The following ECHDC3 variants were observed in gnomAD, a reference collection of about 807,000 sequenced individuals.
ECHDC3 encodes enoyl-CoA hydratase domain containing 3, also known as enoyl-CoA hydratase domain-containing protein 3, mitochondrial.
A neutral mutation model predicts 17.9 loss-of-function variants in ECHDC3; 20 were observed. The ratio of observed to expected loss-of-function variants is 1.12; its 90% CI spans 0.79 to 1.63. The LOEUF (loss-of-function observed/expected upper bound fraction) is 1.63, where lower values mean the gene tolerates loss of function less well. Ranked by LOEUF, ECHDC3 falls within the 40% of genes most tolerant of loss-of-function variation. ECHDC3 has a pLI of 0.00. For synonymous variants in ECHDC3, 177 were observed against 149.7 expected, an observed-to-expected ratio of 1.18 and a Z score of -1.33; for missense variants, 407 against 357.7, an observed-to-expected ratio of 1.14 and a Z score of -1.11.
intron 4 of ECHDC3, among the ~76,000 whole-genome samples, chr10:11,759,476 C>G (rs1430353997): frequency 6.6e-6 from 1 of 152,140 alleles, no homozygotes; most frequent in Non-Finnish European, 1.5e-5. Flanking sequence ...CAGGTCCTCA[C>G]CAGTCGCTGA....
At chr10:11,745,742 G>A (rs1335794636) in intron 1 of ECHDC3, among the ~76,000 whole-genome samples, 1 of 152,164 alleles carries the variant, frequency 6.6e-6, no homozygotes, top group Non-Finnish European at 1.5e-5. Context: ...AAAACTGATA[G>A]GAAACATATA....
At chr10:11,746,502 T>C (rs2133786826) in intron 1 of ECHDC3, among the ~76,000 whole-genome samples, 1 of 152,304 alleles carries the variant, frequency 6.6e-6, no homozygotes, top group South Asian at 2.1e-4. Flanking sequence ...TCCTTTGTCA[T>C]CCACAAAGGA....
intron 1 of ECHDC3, among the ~76,000 whole-genome samples, chr10:11,745,401 G>C (rs1328755199): frequency 6.6e-6 from 1 of 152,166 alleles, no homozygotes; most frequent in African/African-American, 2.4e-5. Flanking sequence ...ATATTTGATG[G>C]AGAGGTTTAT....
At chr10:11,756,552 C>T (rs1832888352) in intron 4 of ECHDC3, among the ~76,000 whole-genome samples, 2 of 152,114 alleles carry the variant, frequency 1.3e-5, no homozygotes, top group African/African-American at 4.8e-5. Flanking sequence ...TTTTGCAGTG[C>T]CCCTTTGTTA....
rs1193989519 is a variant in ECHDC3 at position 11,763,269 on chromosome 10, G to A, written c.637G>A (p.Glu213Lys). ...LFTGEPISAQ[E>K]ALLHGLLSKV... ...TACTGGTGAGCCCATTTCTGCCCAG[G>A]AGGCCCTGCTCCACGGGCTGCTTAG... is the stretch of plus-strand genomic sequence containing the variant. The change falls in exon 5 of 5, where the codon GAG becomes AAG. Residue 213 changes from glutamate (E) to lysine (K), a missense_variant. Transcript: ENST00000379215. The surrounding 1 kb of genome is among the most constrained non-coding windows in gnomAD (Gnocchi z 4.9). 1.3e-6 allele frequency: 1 copy of A among 780,292 alleles called. No homozygotes were observed. The highest frequency in any genetic ancestry group is 1.3e-5 in the South Asian group (1 of 74,604). The allele number at this position is 780,292 out of a possible 1,614,324, so 48.3% of individuals were successfully genotyped here.
At chr10:11,759,353 T>C (rs1315705189) in intron 4 of ECHDC3, among the ~76,000 whole-genome samples, 1 of 89,586 alleles carries the variant, frequency 1.1e-5, no homozygotes, top group Non-Finnish European at 2.2e-5. Flanking sequence ...AAACTCCATC[T>C]CTTAAAAAAA....
chr10:11,754,518 GT>G (rs1258575315), intron 3 of ECHDC3, among the ~76,000 whole-genome samples: 1 of 152,162 alleles, frequency 6.6e-6, no homozygotes. Flanking sequence ...TGACAGCAGA[GT>G]CCCCCCACCC....
Position 11,742,552 on chromosome 10 carries a change from G to T in ECHDC3, c.-25G>T. ...GCGGCCGGCCAGGCAGCGCGATCCT[G>T]CGGCGTCTGGCCATCCCGAATGCTA... On this transcript the variant is annotated 5_prime_UTR_variant, in exon 1 of 5. Coordinates refer to ENST00000379215, the MANE Select transcript of ECHDC3 (RefSeq NM_024693.5). 1 of 1,263,754 alleles carries T rather than the reference G, an allele frequency of 7.9e-7. No individual in the cohort carries two copies. The highest frequency in any genetic ancestry group is 9.9e-7 in the Non-Finnish European group (1 of 1,006,592). 78.3% of individuals were successfully genotyped at this position (1,263,754 alleles called of 1,614,324 possible).
At chr10:11,756,200 A>G (rs1832885295) in intron 4 of ECHDC3, among the ~76,000 whole-genome samples, 1 of 152,174 alleles carries the variant, frequency 6.6e-6, no homozygotes, top group African/African-American at 2.4e-5. Context: ...CGTGTTGCAA[A>G]GTGGTTTTGT....
rs1310298902 is a variant in ECHDC3 at position 11,751,412 on chromosome 10, A to AC, written c.390+1822dup. On this transcript the variant is annotated intron_variant, in intron 3 of 4. Transcript: ENST00000379215. ...ACTGAAAGTGTATTGATATCTTTAA[A>AC]CCATTTCTAAGAAAATAACATTGTC... 2.6e-5 allele frequency among the ~76,000 whole-genome samples: 4 copies of AC among 152,366 alleles called. No individual in the cohort carries two copies. The East Asian group carries it at 7.7e-4, about 29-fold the overall frequency.
intron 4 of ECHDC3, among the ~76,000 whole-genome samples, chr10:11,759,881 T>C (rs1832928359): frequency 6.6e-6 from 1 of 152,228 alleles, no homozygotes; most frequent in African/African-American, 2.4e-5. Flanking sequence ...CTGCTATCTC[T>C]AATCCTTGCA....
At position 11,742,606 on chromosome 10, in the gene ECHDC3, C is replaced by A. The variant is rs946817310; in HGVS notation, c.30C>A (p.Phe10Leu). 68 of 1,297,736 alleles carry A rather than the reference C, an allele frequency of 5.2e-5. No individual in the cohort carries two copies. The highest frequency in any genetic ancestry group is 6.6e-5 in the Non-Finnish European group (68 of 1,023,714). 80.4% of individuals were successfully genotyped at this position (1,297,736 alleles called of 1,614,324 possible). A position where few individuals can be genotyped will look rare whatever the true frequency, so the allele number is the denominator to read the frequency against. The part of the protein sequence containing the change: MAAVAVLRA[F>L]GASGPMCLRR... ...CCGCCGTCGCCGTCTTGCGGGCCTT[C>A]GGGGCAAGTGGGCCCATGTGTCTCC... is the stretch of plus-strand genomic sequence containing the variant. Residue 10 changes from phenylalanine to leucine, a missense_variant, in exon 1 of 5, where the codon TTC becomes TTA. Transcript: ENST00000379215.
intron 4 of ECHDC3, among the ~76,000 whole-genome samples, chr10:11,762,687 T>C (rs1372482838): frequency 1.3e-5 from 2 of 152,142 alleles, no homozygotes; most frequent in African/African-American, 4.8e-5. Context: ...TCTTACCGAT[T>C]GGTGAGTTAA....
rs1832702720 is a variant in ECHDC3, at chr10:11,742,391, ACTGGGCCTGGCCTGGGG to A, written c.-184_-168del. On this transcript the variant is annotated 5_prime_UTR_variant, in exon 1 of 5. Transcript: ENST00000379215. ...CGTGCCGGGGCGGGGCGTAGTACGGACTGGGCCTGGCCTGGGGCGTCCCCGCGAAGCCTGGGCCTGTC... is the reference window on the plus strand; with the variant it reads ...CGTGCCGGGGCGGGGCGTAGTACGGACGTCCCCGCGAAGCCTGGGCCTGTC... 6.2e-6 allele frequency: 2 copies of A among 322,836 alleles called. No individual in the cohort carries two copies. Among genetic ancestry groups the A allele is most frequent in the Non-Finnish European group, 9.4e-6 (2 of 212,898 alleles). 20.0% of individuals were successfully genotyped at this position (322,836 alleles called of 1,614,324 possible).
Position 11,749,478 on chromosome 10 carries a change from A to T in ECHDC3, c.293-17A>T, listed in dbSNP as rs1202940092. 6.2e-7 allele frequency: 1 copy of T among 1,613,644 alleles called. No homozygotes were observed. Among genetic ancestry groups the T allele is most frequent in the South Asian group, 1.1e-5 (1 of 91,064 alleles). The stretch of plus-strand genomic sequence containing the variant: ...TACATCTTTTTGTTTTCTTTTCTCA[A>T]TTGGAAACATTTGCAGCTGAGGGGC... On this transcript the variant is annotated splice_polypyrimidine_tract_variant and intron_variant, in intron 2 of 4. Transcript: ENST00000379215.
chr10:11,750,495 G>C (rs1033648112), intron 3 of ECHDC3, among the ~76,000 whole-genome samples: 2 of 152,142 alleles, frequency 1.3e-5, no homozygotes, highest in Non-Finnish European at 2.9e-5. Flanking sequence ...AATACCGACA[G>C]CCACAGAGGA....
chr10:11,761,482 A>C (rs1230965781), intron 4 of ECHDC3, among the ~76,000 whole-genome samples: 1 of 152,238 alleles, frequency 6.6e-6, no homozygotes, highest in Non-Finnish European at 1.5e-5. Context: ...ACCAGGCAAC[A>C]GGCCACCCAC....
At chr10:11,744,772 T>C (rs902898) in intron 1 of ECHDC3, among the ~76,000 whole-genome samples, 142,049 of 152,224 alleles carry the variant, frequency 0.93, 67,125 homozygotes, top group East Asian at 1. Flanking sequence ...ATTCAGGCAA[T>C]TGAGTGGCAC....
chr10:11,742,935 C>T (rs1337903863), intron 1 of ECHDC3, 189 bp downstream of exon 1: 3 of 576,402 alleles, frequency 5.2e-6, no homozygotes, highest in Non-Finnish European at 5.1e-6. Flanking sequence ...GGTGGGACTG[C>T]CCGGGGCTCC....
Sources: gnomAD v4.1 joint callset for allele counts (sites outside exome capture counted in the v4.1 genomes callset) on GRCh38, gnomAD v4.1.1 for gene constraint, Gnocchi (gnomAD v3.1) non-coding constraint, MANE v1.5 for transcripts, NCBI Gene and HGNC (gene_info 2026-07-23, HGNC 2026-07-21) for gene names.